PRR16: variants seen among roughly 807,000 people sequenced by gnomAD.
The protein encoded by PRR16 is protein Largen.
A neutral mutation model predicts 18.2 loss-of-function variants in PRR16; 6 were observed. That is an observed-to-expected ratio of 0.33 (90% CI 0.18 to 0.65). The LOEUF (loss-of-function observed/expected upper bound fraction) is 0.65, where lower values mean the gene tolerates loss of function less well. PRR16 is among the 30% of genes least tolerant of loss of function. The pLI, the probability that PRR16 is intolerant of heterozygous loss-of-function variation, is 0.74. For missense variants in PRR16, 412 were observed against 376.6 expected (o/e 1.09, Z -0.78); for synonymous variants, 151 against 147.8 (o/e 1.02, Z -0.16).
intron 1 of PRR16, among the ~76,000 whole-genome samples, 180 bp downstream of exon 1, chr5:120,464,825 A>T (rs955829628): frequency 2.0e-5 from 3 of 148,604 alleles, no homozygotes; most frequent in Admixed American, 6.7e-5. Flanking sequence ...GCACTTTTTA[A>T]TTTTTTTTTT....
At chr5:120,476,832 A>T (rs987178197) in intron 1 of PRR16, among the ~76,000 whole-genome samples, 1 of 152,146 alleles carries the variant, frequency 6.6e-6, no homozygotes, top group Admixed American at 6.5e-5. Context: ...ATAAAAAAAA[A>T]CTTGGAAGAG....
chr5:120,637,095 T>A (rs1202736450), intron 1 of PRR16, among the ~76,000 whole-genome samples: 2 of 151,776 alleles, frequency 1.3e-5, no homozygotes, highest in Admixed American at 1.3e-4. Context: ...ACCAGCTCAC[T>A]CCTGCAAGAA....
the PRR16 span, among the ~76,000 whole-genome samples, chr5:120,741,887 C>T: frequency 2.4e-4 from 36 of 152,326 alleles, no homozygotes; most frequent in East Asian, 6.8e-3. Flanking sequence ...AGGCATGAGC[C>T]ACCGCACCAG....
chr5:120,783,435 C>T, the PRR16 span, among the ~76,000 whole-genome samples: 72 of 152,142 alleles, frequency 4.7e-4, no homozygotes, highest in African/African-American at 1.4e-3. Flanking sequence ...GAAAGTAGAA[C>T]GTACTAGATA....
At chr5:120,483,044 A>G (rs918760211) in intron 1 of PRR16, among the ~76,000 whole-genome samples, 20 of 152,138 alleles carry the variant, frequency 1.3e-4, no homozygotes, top group African/African-American at 4.6e-4. Context: ...TAATAAATCA[A>G]CCGTGACATT....
chr5:120,619,386 A>T (rs565473367), intron 1 of PRR16, among the ~76,000 whole-genome samples: 2 of 152,152 alleles, frequency 1.3e-5, no homozygotes, highest in Admixed American at 1.3e-4. Context: ...GGAATGTGCA[A>T]TGTCTTTCCA....
At chr5:120,662,248 A>G (rs949363228) in intron 1 of PRR16, among the ~76,000 whole-genome samples, 6 of 152,028 alleles carry the variant, frequency 3.9e-5, no homozygotes, top group African/African-American at 1.4e-4. Context: ...TAATATTTGG[A>G]TATATTGTAT....
chr5:120,583,345 G>GTGTGTGTA (rs1753337480), intron 1 of PRR16, among the ~76,000 whole-genome samples: 1 of 151,154 alleles, frequency 6.6e-6, no homozygotes, highest in Non-Finnish European at 1.5e-5. Flanking sequence ...GTGTGTGTGT[G>GTGTGTGTA]TGTGCAAGTA....
chr5:120,653,482 T>G (rs1438086419), intron 1 of PRR16, among the ~76,000 whole-genome samples: 1 of 151,974 alleles, frequency 6.6e-6, no homozygotes, highest in Non-Finnish European at 1.5e-5. Context: ...ATTATTTAAA[T>G]TTTTACCATG....
chr5:120,754,510 A>G, the PRR16 span, among the ~76,000 whole-genome samples: 1 of 71,676 alleles, frequency 1.4e-5, no homozygotes, highest in South Asian at 4.6e-4. Context: ...TATTATGTAT[A>G]TTATATATTA....
At chr5:120,715,844 A>G in the PRR16 span, among the ~76,000 whole-genome samples, 1 of 152,208 alleles carries the variant, frequency 6.6e-6, no homozygotes, top group East Asian at 1.9e-4. Context: ...GACATTTATC[A>G]AGGCTTGCTG....
chr5:120,715,376 A>G, the PRR16 span, among the ~76,000 whole-genome samples: 1 of 152,172 alleles, frequency 6.6e-6, no homozygotes. Flanking sequence ...AGCCCTTACT[A>G]CTCAATGAAA....
chr5:120,773,186 T>A, the PRR16 span, among the ~76,000 whole-genome samples: 1 of 152,068 alleles, frequency 6.6e-6, no homozygotes, highest in African/African-American at 2.4e-5. Flanking sequence ...TTTTTATTAG[T>A]ATCAGTTAAG....
At chr5:120,538,236 T>C (rs1234560738) in intron 1 of PRR16, among the ~76,000 whole-genome samples, 1 of 152,234 alleles carries the variant, frequency 6.6e-6, no homozygotes, top group Non-Finnish European at 1.5e-5. Flanking sequence ...ATTTTAAATT[T>C]GAACAAGATA....
chr5:120,591,951 T>C (rs553054188), intron 1 of PRR16, among the ~76,000 whole-genome samples: 1 of 152,254 alleles, frequency 6.6e-6, no homozygotes, highest in South Asian at 2.1e-4. Flanking sequence ...TAAGAGTAGC[T>C]TGTGTCCCTA....
intron 1 of PRR16, among the ~76,000 whole-genome samples, chr5:120,647,502 T>C (rs1755639919): frequency 6.6e-6 from 1 of 151,982 alleles, no homozygotes; most frequent in Admixed American, 6.6e-5. Flanking sequence ...TAACAAAAAG[T>C]AAGGTTATTC....
At chr5:120,745,644 C>CTTTGT in the PRR16 span, among the ~76,000 whole-genome samples, 3 of 151,068 alleles carry the variant, frequency 2.0e-5, no homozygotes, top group South Asian at 2.1e-4. Context: ...GTGTTTGTTG[C>CTTTGT]TTTGTTTTGT....
the PRR16 span, among the ~76,000 whole-genome samples, chr5:120,724,363 G>T: frequency 1.3e-5 from 2 of 152,034 alleles, no homozygotes; most frequent in African/African-American, 2.4e-5. Context: ...TTAATAAGTT[G>T]CTTCTCCTCT....
In PRR16 at chr5:120,686,382, T is replaced by G. The variant is rs1364898539; in HGVS notation, c.588T>G (p.Cys196Trp). 21 of 1,613,860 alleles carry G rather than the reference T, an allele frequency of 1.3e-5. No individual in the cohort carries two copies. In the Admixed American group the frequency reaches 1.7e-4, roughly 13 times the overall value. ...TGCATAGACCTGAAAAAGACAGATG[T>G]CCCCAGGCAGGGCCTCGAGAACGAG... is the stretch of plus-strand genomic sequence containing the variant. ...LLMHRPEKDRCPQAGPRERVR... is the reference protein window; with the variant it reads ...LLMHRPEKDRWPQAGPRERVR... Residue 196 changes from cysteine to tryptophan, a missense_variant, in exon 2 of 2, where the codon TGT becomes TGG. Transcript: ENST00000407149.
Sources: gnomAD v4.1 joint callset for allele counts (sites outside exome capture counted in the v4.1 genomes callset) on GRCh38, gnomAD v4.1.1 for gene constraint, MANE v1.5 for transcripts, NCBI Gene and HGNC (gene_info 2026-07-23, HGNC 2026-07-21) for gene names.